Variants in KNG1 observed in about 807,000 individuals in gnomAD.
KNG1 encodes kininogen 1, also known as kininogen-1.
KNG1 carries 23 observed loss-of-function variants against 47.8 expected under a neutral mutation model. That is an observed-to-expected ratio of 0.48 (90% CI 0.35 to 0.68). The LOEUF (loss-of-function observed/expected upper bound fraction) is 0.68, where lower values mean the gene tolerates loss of function less well. Ranked by LOEUF, KNG1 falls within the 30% of genes least tolerant of loss-of-function variation. The probability of loss-of-function intolerance (pLI) is 0.01; values close to 1 mark genes in which losing one functional copy is unlikely to be tolerated. For synonymous variants in KNG1, 277 were observed against 277.0 expected (o/e 1.00, Z 0.00); for missense variants, 762 against 790.2 (o/e 0.96, Z 0.43).
rs889341254 is a variant in KNG1 at position 186,725,120 on chromosome 3, T to A, written c.424T>A (p.Cys142Ser). Residue 142 changes from cysteine (C) to serine (S), a missense_variant, in exon 4 of 10, where the codon TGC becomes AGC. Coordinates refer to ENST00000644859, the MANE Select transcript of KNG1 (RefSeq NM_001102416.3). ...CCCTGTGGTGACAGCCCAGTACGAC[T>A]GCCTCGGCTGTGTGCATCCTATATC... ...EGPVVTAQYDCLGCVHPISTQ... is the reference protein window; with the variant it reads ...EGPVVTAQYDSLGCVHPISTQ... 1 of 1,614,152 alleles carries A rather than the reference T, an allele frequency of 6.2e-7. No homozygotes were observed. Among genetic ancestry groups the A allele is most frequent in the Admixed American group, 1.7e-5 (1 of 60,002 alleles).
rs775725330 is a variant in KNG1 at position 186,743,642 on chromosome 3, C to T, written c.*1311C>T. ...AAAGTCTTACCTTGTCAACTGGTTG[C>T]TCCACTTTTTAAAAATGATTGAATG... On this transcript the variant is annotated 3_prime_UTR_variant, in exon 10 of 10. Transcript: ENST00000644859. 8 of 1,244,514 alleles carry T rather than the reference C, an allele frequency of 6.4e-6. No homozygotes were observed. The highest frequency in any genetic ancestry group is 9.4e-6 in the Non-Finnish European group (8 of 847,310). The allele number at this position is 1,244,514 out of a possible 1,614,324, so 77.1% of individuals were successfully genotyped here. A position where few individuals can be genotyped will look rare whatever the true frequency, so the allele number is the denominator to read the frequency against.
intron 3 of KNG1, 69 bp downstream of exon 3, chr3:186,722,590 C>A: frequency 8.2e-7 from 1 of 1,215,116 alleles, no homozygotes; most frequent in Non-Finnish European, 1.2e-6. Flanking sequence ...GGAACACAAT[C>A]TTGACCAGGC....
At chr3:186,717,780 A>G (rs752838115) in intron 1 of KNG1, 43 bp downstream of exon 1, 1 of 1,455,182 alleles carries the variant, frequency 6.9e-7, no homozygotes, top group East Asian at 2.3e-5. Context: ...TGGGATTTGT[A>G]CTATCACTAG....
In KNG1 at chr3:186,742,778, A is replaced by C. The variant is rs1720848946; in HGVS notation, c.*447A>C. 1 of 998,226 alleles carries C rather than the reference A, an allele frequency of 1.0e-6. No homozygotes were observed. Among genetic ancestry groups the C allele is most frequent in the Non-Finnish European group, 1.2e-6 (1 of 837,650 alleles). 61.8% of individuals were successfully genotyped at this position (998,226 alleles called of 1,614,324 possible). ...AACTTATTAATGGAATAGAAATAAT[A>C]AGGAGGCTGAGGCTGGAGAATTGCT... On this transcript the variant is annotated 3_prime_UTR_variant, in exon 10 of 10. Transcript: ENST00000644859.
chr3:186,724,823 C>CAGCCT (rs1560062923), intron 3 of KNG1, among the ~76,000 whole-genome samples: 3 of 151,746 alleles, frequency 2.0e-5, no homozygotes, highest in Non-Finnish European at 4.4e-5. Context: ...AGCCTCAGCC[C>CAGCCT]CCCGAGTAGC....
chr3:186,741,370 A>C (rs2108637543), intron 9 of KNG1, 152 bp from the exon 10 acceptor site: 1 of 654,278 alleles, frequency 1.5e-6, no homozygotes, highest in Non-Finnish European at 2.5e-6. Context: ...AAAATTATTC[A>C]TCCTTTCTGG....
In KNG1 at chr3:186,742,609, C is replaced by T; in HGVS notation, c.*278C>T. On this transcript the variant is annotated 3_prime_UTR_variant, in exon 10 of 10. Transcript: ENST00000644859. ...AACTAATGTGCCGTATGGCCTGCTG[C>T]AATTGGCTTCTCTGATAACAAATAT... The T allele has an allele frequency of 7.9e-7, 1 of 1,258,550 alleles. No homozygotes were observed. Among genetic ancestry groups the T allele is most frequent in the East Asian group, 3.8e-5 (1 of 26,480 alleles). The allele number at this position is 1,258,550 out of a possible 1,614,324, so 78.0% of individuals were successfully genotyped here. A position where few individuals can be genotyped will look rare whatever the true frequency, so the allele number is the denominator to read the frequency against.
chr3:186,723,432 C>A (rs367872372), intron 3 of KNG1, among the ~76,000 whole-genome samples: 1 of 152,174 alleles, frequency 6.6e-6, no homozygotes, highest in Non-Finnish European at 1.5e-5. Context: ...CCGCTTACCC[C>A]GCTCAGCCTC....
At position 186,741,613 on chromosome 3, in the gene KNG1, A is replaced by T; in HGVS notation, c.1217A>T (p.His406Leu). 1.2e-6 allele frequency: 2 copies of T among 1,613,330 alleles called. No individual in the cohort carries two copies. Among genetic ancestry groups the T allele is most frequent in the East Asian group, 4.5e-5 (2 of 44,882 alleles). The change falls in exon 10 of 10, where the codon CAC becomes CTC. Residue 406 changes from histidine (H) to leucine (L), a missense_variant. Coordinates refer to ENST00000644859, the MANE Select transcript of KNG1 (RefSeq NM_001102416.3). ...IKEETTVSPP[H>L]TSMAPAQDEE... ...GAAGAAACAACTGTAAGTCCACCCC[A>T]CACTTCCATGGCACCTGCACAAGAT...
intron 3 of KNG1, 53 bp downstream of exon 3, chr3:186,722,574 G>T: frequency 7.3e-7 from 1 of 1,370,096 alleles, no homozygotes; most frequent in Non-Finnish European, 1.0e-6. Flanking sequence ...CCATTTCTGT[G>T]AGCCAGGAAC....
rs371621629 is a variant in KNG1 at position 186,741,600 on chromosome 3, G to A, written c.1204G>A (p.Val402Ile). ...AGGGGAAATAAAAGAAGAAACAACT[G>A]TAAGTCCACCCCACACTTCCATGGC... ...RIGEIKEETT[V>I]SPPHTSMAPA... is the part of the protein sequence containing the mutation. The change falls in exon 10 of 10, where the codon GTA becomes ATA. Residue 402 changes from valine (V) to isoleucine (I), a missense_variant. Coordinates refer to ENST00000644859, the MANE Select transcript of KNG1 (RefSeq NM_001102416.3). The A allele has an allele frequency of 2.0e-5, 33 of 1,611,260 alleles. No individual in the cohort carries two copies. The highest frequency in any genetic ancestry group is 5.4e-5 in the African/African-American group (4 of 74,572).
chr3:186,731,088 C>G (rs1213704368), intron 5 of KNG1, among the ~76,000 whole-genome samples: 1 of 151,992 alleles, frequency 6.6e-6, no homozygotes. Flanking sequence ...GTTTTGTTCT[C>G]GTGAATTTTA....
rs1656539875 is a variant in KNG1, at chr3:186,743,491, T to A, written c.*1160T>A. The stretch of plus-strand genomic sequence containing the variant: ...AAAACAAGATATGGCTTTAAATAGC[T>A]ACAATCATCTTTGGATGTATATGTC... On this transcript the variant is annotated 3_prime_UTR_variant, in exon 10 of 10. Transcript: ENST00000644859. 1.8e-6 allele frequency: 1 copy of A among 568,296 alleles called. No homozygotes were observed. Among genetic ancestry groups the A allele is most frequent in the Non-Finnish European group, 3.1e-6 (1 of 317,784 alleles). The allele number at this position is 568,296 out of a possible 1,614,324, so 35.2% of individuals were successfully genotyped here.
chr3:186,742,513 T>C lies in KNG1; in HGVS notation c.*182T>C. 1 of 1,430,042 alleles carries C rather than the reference T, an allele frequency of 7.0e-7. No individual in the cohort carries two copies. The highest frequency in any genetic ancestry group is 9.1e-7 in the Non-Finnish European group (1 of 1,098,862). 88.6% of individuals were successfully genotyped at this position (1,430,042 alleles called of 1,614,324 possible). A position where few individuals can be genotyped will look rare whatever the true frequency, so the allele number is the denominator to read the frequency against. On this transcript the variant is annotated 3_prime_UTR_variant, in exon 10 of 10. Coordinates refer to ENST00000644859, the MANE Select transcript of KNG1 (RefSeq NM_001102416.3). Reference sequence around the variant, plus strand: ...TCAGTCTCCACGGACTGCATAAAATTGTGTGCCACAATTCTAACTCTTTTC... The same window carrying C: ...TCAGTCTCCACGGACTGCATAAAATCGTGTGCCACAATTCTAACTCTTTTC...
intron 7 of KNG1, chr3:186,736,493 C>T (rs1443258337): frequency 6.6e-6 from 1 of 152,158 alleles, no homozygotes; most frequent in Non-Finnish European, 1.5e-5. Context: ...CTTCCATTTT[C>T]ACACATTAGT....
intron 7 of KNG1, among the ~76,000 whole-genome samples, chr3:186,738,061 C>T (rs77127902): frequency 9.2e-5 from 14 of 152,150 alleles, no homozygotes; most frequent in East Asian, 5.8e-4. Context: ...CTGCAACCTC[C>T]GCCTCCTGGG....
intron 4 of KNG1, among the ~76,000 whole-genome samples, chr3:186,725,742 CG>C (rs924977062): frequency 2.7e-5 from 4 of 150,122 alleles, no homozygotes; most frequent in African/African-American, 9.8e-5. Context: ...TTAGTAGAGG[CG>C]GGGTTTCACC....
chr3:186,722,552 G>A, intron 3 of KNG1, 31 bp downstream of exon 3: 1 of 1,518,612 alleles, frequency 6.6e-7, no homozygotes, highest in Non-Finnish European at 9.1e-7. Context: ...CACTGCCCTG[G>A]TGGGAAATTA....
In KNG1 at chr3:186,741,721, G is replaced by T; in HGVS notation, c.1325G>T (p.Gly442Val). The T allele has an allele frequency of 2.5e-6, 4 of 1,614,170 alleles. No individual in the cohort carries two copies. The East Asian group carries it at 6.7e-5, about 27-fold the overall frequency. ...GHEKQRKHNLGHGHKHERDQG... is the reference protein window; with the variant it reads ...GHEKQRKHNLVHGHKHERDQG... ...GAAAAACAAAGAAAACATAATCTTG[G>T]CCATGGCCATAAACATGAACGTGAC... is the stretch of plus-strand genomic sequence containing the variant. Residue 442 changes from glycine (G) to valine (V), a missense_variant, in exon 10 of 10, where the codon GGC (glycine) becomes GTC (valine). Coordinates refer to ENST00000644859, the MANE Select transcript of KNG1 (RefSeq NM_001102416.3).
Sources: gnomAD v4.1 joint callset for allele counts (sites outside exome capture counted in the v4.1 genomes callset) on GRCh38, gnomAD v4.1.1 for gene constraint, MANE v1.5 for transcripts, NCBI Gene and HGNC (gene_info 2026-07-23, HGNC 2026-07-21) for gene names.